Variants in TTC13 observed in about 807,000 individuals in gnomAD.
TTC13 encodes the protein tetratricopeptide repeat domain 13.
Under a neutral mutation model 120.0 loss-of-function variants are expected in TTC13, and 62 were observed. That is an observed-to-expected ratio of 0.52 (90% CI 0.42 to 0.64). The LOEUF is 0.64. Among genes scored for constraint, TTC13 ranks in the 30% least tolerant of loss-of-function variants. The pLI is 0.00. For missense variants in TTC13, 824 were observed against 1,050.2 expected (o/e 0.78, Z 2.98); for synonymous variants, 384 against 393.5 (o/e 0.98, Z 0.28).
chr1:230,956,662 A>G (rs1676113296), intron 3 of TTC13: 1 of 251,182 alleles, frequency 4.0e-6, no homozygotes, highest in Non-Finnish European at 8.0e-6. Context: ...GTCCACATCT[A>G]AGTGATTGAA....
At chr1:230,968,513 T>C (rs892171754) in intron 1 of TTC13, among the ~76,000 whole-genome samples, 4 of 152,020 alleles carry the variant, frequency 2.6e-5, no homozygotes, top group Non-Finnish European at 5.9e-5. Context: ...GCAGGATGAG[T>C]TTAAGCAGGA....
chr1:230,918,003 G>C (rs991237873), intron 17 of TTC13, among the ~76,000 whole-genome samples: 1 of 152,184 alleles, frequency 6.6e-6, no homozygotes, highest in Non-Finnish European at 1.5e-5. Context: ...GGATTGGACA[G>C]TTGGGAGCCA....
chr1:230,940,386 G>C lies in TTC13; in HGVS notation c.789+54C>G. On this transcript the variant is annotated intron_variant, in intron 7 of 22. Coordinates refer to ENST00000366661, the MANE Select transcript of TTC13 (RefSeq NM_024525.5). The surrounding 1 kb of genome is among the most constrained non-coding windows in gnomAD (Gnocchi z 4.1). ...CAAAGAGTCACTTTCTGAGGTCAAG[G>C]GAAAAATGAAATCTTCATCATCATA... 1 of 1,207,770 alleles carries C rather than the reference G, an allele frequency of 8.3e-7. No individual in the cohort carries two copies. The highest frequency in any genetic ancestry group is 1.3e-5 in the South Asian group (1 of 79,786). The allele number at this position is 1,207,770 out of a possible 1,614,324, so 74.8% of individuals were successfully genotyped here.
chr1:230,933,696 T>C (rs1404338862), intron 9 of TTC13, 83 bp downstream of exon 9: 2 of 717,620 alleles, frequency 2.8e-6, no homozygotes, highest in Non-Finnish European at 4.6e-6. Flanking sequence ...AGAAATACTA[T>C]TTCTTTTAAA....
intron 1 of TTC13, among the ~76,000 whole-genome samples, chr1:230,977,878 C>G (rs938032014): frequency 6.6e-6 from 1 of 152,222 alleles, no homozygotes; most frequent in African/African-American, 2.4e-5. Context: ...AATGAGCTGG[C>G]GTAGCTCCAA....
intron 1 of TTC13, among the ~76,000 whole-genome samples, chr1:230,964,084 C>T (rs1028577096): frequency 1.3e-5 from 2 of 152,136 alleles, no homozygotes; most frequent in Non-Finnish European, 2.9e-5. Flanking sequence ...GTATACCTGG[C>T]CTTATTCTAA....
intron 19 of TTC13, among the ~76,000 whole-genome samples, chr1:230,911,773 CT>C (rs1424227070): frequency 6.6e-6 from 1 of 152,122 alleles, no homozygotes; most frequent in Non-Finnish European, 1.5e-5. Context: ...GTTTCTTAAA[CT>C]GCAACTCTTG....
At chr1:230,923,126 T>C (rs1261230355) in intron 15 of TTC13, among the ~76,000 whole-genome samples, 1 of 152,130 alleles carries the variant, frequency 6.6e-6, no homozygotes, top group African/African-American at 2.4e-5. Context: ...ATTTTAGAGG[T>C]GACACAACTA....
In TTC13 at chr1:230,940,146, T is replaced by C. The variant is rs1431184478; in HGVS notation, c.789+294A>G. ...CACACCTGCTTCCCTATGAGGACAT[T>C]TGCGAGAAAGATTGACATACAATCC... On this transcript the variant is annotated intron_variant, in intron 7 of 22. Transcript: ENST00000366661. This position sits in a 1 kb window ranked among gnomAD's most constrained non-coding sequence, Gnocchi z 4.1. 6.6e-6 allele frequency among the ~76,000 whole-genome samples: 1 copy of C among 152,242 alleles called. No individual in the cohort carries two copies. The highest frequency in any genetic ancestry group is 2.4e-5 in the African/African-American group (1 of 41,458).
Position 230,978,712 on chromosome 1 carries a change from C to T in TTC13, c.119G>A (p.Arg40Gln), listed in dbSNP as rs1405173793. The T allele has an allele frequency of 2.0e-6, 3 of 1,491,604 alleles. No homozygotes were observed. In the East Asian group the frequency reaches 8.5e-5, roughly 42 times the overall value. The allele number at this position is 1,491,604 out of a possible 1,614,324, so 92.4% of individuals were successfully genotyped here. A position where few individuals can be genotyped will look rare whatever the true frequency, so the allele number is the denominator to read the frequency against. ...GTGCTCGGTGGCCAGGGCGCCTGGC[C>T]GCAGCCCGGCGGACAGGACCCCCAG... ...LLLGVLSAGL[R>Q]PGALATEHYS... The change falls in exon 1 of 23, where the codon CGG becomes CAG. Residue 40 changes from arginine to glutamine, a missense_variant. Physicochemically the swap from Arg to Gln is conservative, Grantham distance 43 (BLOSUM62 1). Around this residue, in one of 4 missense-constraint regions of TTC13, gnomAD observed 160 missense variants for 137.2 expected, o/e 1.17. Transcript: ENST00000366661. The surrounding 1 kb of genome is among the most constrained non-coding windows in gnomAD (Gnocchi z 5.6).
chr1:230,956,452 T>G, intron 3 of TTC13: 1 of 261,390 alleles, frequency 3.8e-6, no homozygotes, highest in South Asian at 3.5e-5. Flanking sequence ...CTCAGTCACT[T>G]CTCATAACTG....
chr1:230,924,050 C>T (rs548445549), intron 14 of TTC13, 117 bp from the exon 15 acceptor site: 4 of 650,168 alleles, frequency 6.2e-6, no homozygotes, highest in East Asian at 2.9e-5. Context: ...TATCTAAAAA[C>T]GTGATGTCCA....
At chr1:230,914,095 G>A (rs1307736623) in intron 18 of TTC13, among the ~76,000 whole-genome samples, 7 of 152,136 alleles carry the variant, frequency 4.6e-5, no homozygotes, top group African/African-American at 1.7e-4. Flanking sequence ...TCGACTCGAG[G>A]GGTCAGGAGG....
intron 1 of TTC13, among the ~76,000 whole-genome samples, chr1:230,970,714 G>A (rs1217923014): frequency 1.3e-5 from 2 of 152,206 alleles, no homozygotes; most frequent in African/African-American, 4.8e-5. Context: ...ATCCATGTGT[G>A]TGAGAAAACT....
Position 230,951,592 on chromosome 1 carries a change from G to A in TTC13, c.513+2741C>T, listed in dbSNP as rs180985038. Among the ~76,000 whole-genome samples the A allele has an allele frequency of 1.6e-3, 241 of 152,290 alleles. 1 individual carries two copies. Among genetic ancestry groups the A allele is most frequent in the African/African-American group, 5.4e-3 (226 of 41,560 alleles). ...AAGTGATATTTAGCTCAGGTGCAAC[G>A]TGAAGAATGAAAAGTAGTAGAGCAA... On this transcript the variant is annotated intron_variant, in intron 4 of 22. Transcript: ENST00000366661.
intron 8 of TTC13, among the ~76,000 whole-genome samples, chr1:230,936,922 T>C (rs1193409749): frequency 6.6e-6 from 1 of 152,202 alleles, no homozygotes; most frequent in Non-Finnish European, 1.5e-5. Flanking sequence ...CTATACCTCA[T>C]GGAGATGCCG....
At position 230,939,354 on chromosome 1, in the gene TTC13, T is replaced by G. The variant is rs1674347392; in HGVS notation, c.900+32A>C. ...CACCCACAAAAGAGAAGCAGAGTCA[T>G]CATATGGTACACATATGCACAACAC... On this transcript the variant is annotated intron_variant, in intron 8 of 22. Coordinates refer to ENST00000366661, the MANE Select transcript of TTC13 (RefSeq NM_024525.5). 4 of 1,360,044 alleles carry G rather than the reference T, an allele frequency of 2.9e-6. No homozygotes were observed. The East Asian group carries it at 9.3e-5, about 32-fold the overall frequency. The allele number at this position is 1,360,044 out of a possible 1,614,324, so 84.2% of individuals were successfully genotyped here. A position where few individuals can be genotyped will look rare whatever the true frequency, so the allele number is the denominator to read the frequency against.
intron 5 of TTC13, 78 bp from the exon 6 acceptor site, chr1:230,943,976 A>G (rs1674757756): frequency 1.1e-6 from 1 of 878,664 alleles, no homozygotes; most frequent in Non-Finnish European, 1.8e-6. Context: ...GAAAACTAAT[A>G]ATTTAGTAAT....
At chr1:230,931,176 G>T in intron 11 of TTC13, 122 bp downstream of exon 11, 1 of 932,956 alleles carries the variant, frequency 1.1e-6, no homozygotes, top group Non-Finnish European at 1.6e-6. Context: ...GTGTGGCTGT[G>T]GATGAGTCAC....
Sources: allele counts gnomAD v4.1 joint callset (sites outside exome capture counted in the v4.1 genomes callset), GRCh38; gene constraint gnomAD v4.1.1; regional missense constraint gnomAD v4.1.1; non-coding constraint Gnocchi (gnomAD v3.1); transcripts MANE v1.5; gene names NCBI Gene and HGNC (gene_info 2026-07-23, HGNC 2026-07-21).